The following PAM variants were observed in gnomAD, a reference collection of about 807,000 sequenced individuals.
PAM encodes peptidyl-glycine alpha-amidating monooxygenase.
In PAM, 72 loss-of-function variants were observed where a neutral mutation model predicts 122.1. The ratio of observed to expected loss-of-function variants is 0.59; its 90% CI spans 0.49 to 0.72. The LOEUF (loss-of-function observed/expected upper bound fraction) is 0.72. PAM is among the 30% of genes least tolerant of loss of function. The pLI, the probability that PAM is intolerant of heterozygous loss-of-function variation, is 0.00. For missense variants in PAM, 1,106 were observed against 1,183.7 expected (o/e 0.93, Z 0.96); for synonymous variants, 389 against 404.4 (o/e 0.96, Z 0.46).
chr5:102,812,024 G>A (rs574540996), intron 1 of PAM, among the ~76,000 whole-genome samples: 14 of 152,276 alleles, frequency 9.2e-5, no homozygotes, highest in African/African-American at 3.1e-4. Context: ...TGAATCAGCT[G>A]GGGTTTCTTT....
Position 102,865,815 on chromosome 5 carries a change from T to G in PAM, c.-373-8T>G, listed in dbSNP as rs370660752. On this transcript the variant is annotated splice_region_variant and splice_polypyrimidine_tract_variant and intron_variant, in intron 1 of 25. Transcript: ENST00000438793. Reference sequence around the variant, plus strand: ...TTAGTCATCCATTATCTGCTTCTATTTTTGCAGGTTCTGAATGATGACTGA... The same window carrying G: ...TTAGTCATCCATTATCTGCTTCTATGTTTGCAGGTTCTGAATGATGACTGA... 2.0e-5 allele frequency: 4 copies of G among 199,988 alleles called. No homozygotes were observed. The highest frequency in any genetic ancestry group is 4.0e-5 in the Non-Finnish European group (4 of 100,976). The allele number at this position is 199,988 out of a possible 1,614,324, so 12.4% of individuals were successfully genotyped here. A position where few individuals can be genotyped will look rare whatever the true frequency, so the allele number is the denominator to read the frequency against.
chr5:102,783,403 G>A (rs566742576), intron 1 of PAM, among the ~76,000 whole-genome samples: 20 of 152,240 alleles, frequency 1.3e-4, no homozygotes, highest in African/African-American at 4.3e-4. Flanking sequence ...TGAAAGCAAA[G>A]GTTAAAACTC....
At chr5:102,787,907 A>C (rs1047377683) in intron 1 of PAM, among the ~76,000 whole-genome samples, 4 of 152,104 alleles carry the variant, frequency 2.6e-5, no homozygotes, top group Non-Finnish European at 4.4e-5. Context: ...TGTATGGTAG[A>C]TATTTCCAGG....
chr5:102,861,843 T>A (rs1038946056), intron 1 of PAM, among the ~76,000 whole-genome samples: 1 of 152,152 alleles, frequency 6.6e-6, no homozygotes, highest in Non-Finnish European at 1.5e-5. Context: ...TCTTTAAAAA[T>A]TTTTTAAGTT....
In PAM at chr5:102,910,360, C is replaced by T. The variant is rs80237355; in HGVS notation, c.269-3574C>T. 1.1e-3 allele frequency among the ~76,000 whole-genome samples: 160 copies of T among 151,980 alleles called. 1 individual carries two copies. Among genetic ancestry groups the T allele is most frequent in the East Asian group, 4.7e-3 (24 of 5,138 alleles). Reference sequence around the variant, plus strand: ...ATGGTTTCAGGTCTTTTATTTCAGACGACATTATCCTTTGAGAAACCCTCC... The same window carrying T: ...ATGGTTTCAGGTCTTTTATTTCAGATGACATTATCCTTTGAGAAACCCTCC... On this transcript the variant is annotated intron_variant, in intron 4 of 25. Coordinates refer to ENST00000438793, the MANE Select transcript of PAM (RefSeq NM_001177306.2).
chr5:102,880,386 T>C (rs1049315384), intron 3 of PAM, among the ~76,000 whole-genome samples: 3 of 152,188 alleles, frequency 2.0e-5, no homozygotes, highest in Non-Finnish European at 4.4e-5. Context: ...ATATAAATTC[T>C]TTCCCAATAC....
chr5:102,943,721 ACT>A (rs1756054761), intron 7 of PAM, among the ~76,000 whole-genome samples: 1 of 151,992 alleles, frequency 6.6e-6, no homozygotes, highest in Admixed American at 6.6e-5. Context: ...TTGAACTTAC[ACT>A]CTCTGAGTAA....
intron 1 of PAM, among the ~76,000 whole-genome samples, chr5:102,863,865 AT>A (rs1357615227): frequency 6.6e-6 from 1 of 151,210 alleles, no homozygotes; most frequent in Non-Finnish European, 1.5e-5. Context: ...ATTAGCTTTC[AT>A]TTTTATAAGA....
chr5:102,916,515 C>T (rs1803148039), intron 5 of PAM, among the ~76,000 whole-genome samples: 1 of 151,360 alleles, frequency 6.6e-6, no homozygotes, highest in African/African-American at 2.4e-5. Flanking sequence ...TAACCAAGCC[C>T]AACACGTTTA....
At chr5:102,944,217 G>T (rs150197696) in intron 7 of PAM, among the ~76,000 whole-genome samples, 280 of 152,146 alleles carry the variant, frequency 1.8e-3, no homozygotes, top group African/African-American at 6.4e-3. Flanking sequence ...AGTGAATGAA[G>T]TTTCATCTCC....
At chr5:103,005,258 A>T (rs965801330) in intron 18 of PAM, 32 bp downstream of exon 18, 1 of 976,478 alleles carries the variant, frequency 1.0e-6, no homozygotes, top group Non-Finnish European at 1.7e-6. Flanking sequence ...TTCAAATTAG[A>T]AGCTAACAGA....
At chr5:102,957,364 A>G (rs1246095218) in intron 12 of PAM, among the ~76,000 whole-genome samples, 1 of 152,110 alleles carries the variant, frequency 6.6e-6, no homozygotes, top group Non-Finnish European at 1.5e-5. Context: ...GGTCAGATTC[A>G]TTTAGGGAAT....
At chr5:102,790,282 A>C (rs1386503119) in intron 1 of PAM, among the ~76,000 whole-genome samples, 2 of 152,094 alleles carry the variant, frequency 1.3e-5, no homozygotes, top group Non-Finnish European at 2.9e-5. Flanking sequence ...CTATGCCGCA[A>C]ATTTTTGTTG....
chr5:103,029,013 CAGAAG>C lies in PAM; in HGVS notation c.2873_2877del (p.Glu958GlyfsTer20). The C allele has an allele frequency of 6.2e-7, 1 of 1,613,840 alleles. No homozygotes were observed. Among genetic ancestry groups the C allele is most frequent in the South Asian group, 1.1e-5 (1 of 91,066 alleles). The stretch of plus-strand genomic sequence containing the variant: ...GAGAAAGAGGATGATGGAAGTGAAT[CAGAAG>C]AGGAGTATTCAGCACCTCTGCCTGC... On this transcript the variant is annotated frameshift_variant, in exon 26 of 26. Coordinates refer to ENST00000438793, the MANE Select transcript of PAM (RefSeq NM_001177306.2). LOFTEE classifies it high-confidence loss of function.
intron 1 of PAM, among the ~76,000 whole-genome samples, chr5:102,849,582 A>G (rs956920433): frequency 6.6e-6 from 1 of 151,866 alleles, no homozygotes; most frequent in African/African-American, 2.4e-5. Flanking sequence ...AAGGAAAAAG[A>G]AAAAGGTGCA....
chr5:102,806,971 T>A (rs1025448559), intron 1 of PAM, among the ~76,000 whole-genome samples: 4 of 152,240 alleles, frequency 2.6e-5, no homozygotes, highest in African/African-American at 9.6e-5. Context: ...AAAGGTAGGC[T>A]TAGCTTCATC....
Position 103,002,170 on chromosome 5 carries a change from C to G in PAM, c.1614-863C>G, listed in dbSNP as rs17154919. Among the ~76,000 whole-genome samples the G allele has an allele frequency of 4.2e-3, 635 of 152,046 alleles. 31 individuals carry two copies. The South Asian group carries it at 0.096, about 23-fold the overall frequency. On this transcript the variant is annotated intron_variant, in intron 16 of 25. Coordinates refer to ENST00000438793, the MANE Select transcript of PAM (RefSeq NM_001177306.2). Reference sequence around the variant, plus strand: ...AGAAGAGCTTATCTTTGTCATTCATCCCTGTTGACATATAACTTCCCAAAC... The same window carrying G: ...AGAAGAGCTTATCTTTGTCATTCATGCCTGTTGACATATAACTTCCCAAAC...
intron 19 of PAM, among the ~76,000 whole-genome samples, 175 bp downstream of exon 19, chr5:103,007,186 TATAC>T (rs1779249925): frequency 1.0e-5 from 1 of 100,368 alleles, no homozygotes; most frequent in Non-Finnish European, 2.0e-5. Flanking sequence ...CACACACACA[TATAC>T]ATACACACAC....
At chr5:103,000,478 C>A (rs1777063800) in intron 16 of PAM, among the ~76,000 whole-genome samples, 2 of 152,198 alleles carry the variant, frequency 1.3e-5, no homozygotes, top group African/African-American at 4.8e-5. Context: ...CTGCCTATTA[C>A]CCAGTTCCAA....
Sources: gnomAD v4.1 joint callset for allele counts (sites outside exome capture counted in the v4.1 genomes callset) on GRCh38, gnomAD v4.1.1 for gene constraint, MANE v1.5 for transcripts, NCBI Gene and HGNC (gene_info 2026-07-23, HGNC 2026-07-21) for gene names.